Variants in INPP4B observed in about 807,000 individuals in gnomAD.
INPP4B encodes the protein inositol polyphosphate-4-phosphatase type II B, also known as inositol polyphosphate 4-phosphatase type II.
Under a neutral mutation model 122.5 loss-of-function variants are expected in INPP4B, and 55 were observed. That is an observed-to-expected ratio of 0.45 (90% CI 0.36 to 0.56). The LOEUF is 0.56. INPP4B is among the 20% of genes least tolerant of loss of function. INPP4B has a pLI of 0.00. For missense variants in INPP4B, 1,000 were observed against 1,097.7 expected (o/e 0.91, Z 1.26); for synonymous variants, 403 against 388.7 (o/e 1.04, Z -0.43).
chr4:142,105,043 T>C (rs960603626), intron 23 of INPP4B, among the ~76,000 whole-genome samples: 4 of 152,138 alleles, frequency 2.6e-5, no homozygotes, highest in African/African-American at 7.2e-5. Context: ...AAAGGAACTT[T>C]TGGGATTCCT....
intron 2 of INPP4B, among the ~76,000 whole-genome samples, chr4:142,522,532 A>C (rs1478459015): frequency 6.6e-6 from 1 of 151,900 alleles, no homozygotes; most frequent in Non-Finnish European, 1.5e-5. Flanking sequence ...TTTCTTGGTT[A>C]ATCTATCCCT....
chr4:142,444,235 T>A (rs563781518), intron 3 of INPP4B, among the ~76,000 whole-genome samples: 3 of 152,342 alleles, frequency 2.0e-5, no homozygotes, highest in African/African-American at 4.8e-5. Context: ...CTTATACATT[T>A]AAGTTCCTTG....
rs991636895 is a variant in INPP4B, at chr4:142,424,264, A to C, written c.136+4909T>G. On this transcript the variant is annotated intron_variant, in intron 5 of 25. Coordinates refer to ENST00000262992, the MANE Select transcript of INPP4B (RefSeq NM_001101669.3). ...TGTTAACTGTTTTTTTAATGATTTC[A>C]AGAGTAGTAGTTTAATTTCTCTAAT... Among the ~76,000 whole-genome samples, 7 of 152,064 alleles carry C rather than the reference A, an allele frequency of 4.6e-5. No individual in the cohort carries two copies. In the East Asian group the frequency reaches 1.4e-3, roughly 29 times the overall value.
chr4:142,838,570 CA>C (rs935573001), intron 1 of INPP4B, among the ~76,000 whole-genome samples: 144 of 151,996 alleles, frequency 9.5e-4, no homozygotes, highest in Non-Finnish European at 1.4e-3. Flanking sequence ...CAAAAAAAGT[CA>C]AAAAAGTATG....
intron 1 of INPP4B, among the ~76,000 whole-genome samples, chr4:142,758,219 T>C (rs951383293): frequency 1.3e-5 from 2 of 152,102 alleles, no homozygotes; most frequent in Non-Finnish European, 2.9e-5. Flanking sequence ...CCAAGGATAT[T>C]TGGTCTAGAA....
At chr4:142,527,468 G>A (rs571934764) in intron 2 of INPP4B, among the ~76,000 whole-genome samples, 6 of 152,148 alleles carry the variant, frequency 3.9e-5, no homozygotes, top group East Asian at 1.9e-4. Flanking sequence ...ACTGTTCTTC[G>A]ATATGTTTGA....
At chr4:142,526,030 T>G (rs185219182) in intron 2 of INPP4B, among the ~76,000 whole-genome samples, 204 of 152,218 alleles carry the variant, frequency 1.3e-3, no homozygotes, top group African/African-American at 4.6e-3. Context: ...CACGATTTCA[T>G]GTAACATTAA....
intron 2 of INPP4B, among the ~76,000 whole-genome samples, chr4:142,493,750 C>G (rs1339515620): frequency 2.0e-5 from 3 of 152,024 alleles, no homozygotes; most frequent in Non-Finnish European, 4.4e-5. Flanking sequence ...TCAGATGAGA[C>G]TTTGGACTTG....
rs2152545603 is a variant in INPP4B, at chr4:142,086,156, C to A, written c.2475G>T (p.Trp825Cys). ...SKKRKNVEIM[W>C]LAATICRKLN... ...TGAGAGTGCTTACCGTTGCAGCCAG[C>A]CACATAATTTCTACATTCTTTCTTT... is the stretch of plus-strand genomic sequence containing the variant. Residue 825 changes from tryptophan (W) to cysteine (C), a missense_variant, in exon 24 of 26, where the codon TGG becomes TGT. Physicochemically the swap from Trp to Cys is radical, Grantham distance 215. Coordinates refer to ENST00000262992, the MANE Select transcript of INPP4B (RefSeq NM_001101669.3). The A allele has an allele frequency of 6.3e-7, 1 of 1,584,896 alleles. No homozygotes were observed. Among genetic ancestry groups the A allele is most frequent in the Non-Finnish European group, 8.7e-7 (1 of 1,153,614 alleles).
At chr4:142,642,483 T>C (rs1406069556) in intron 2 of INPP4B, among the ~76,000 whole-genome samples, 5 of 152,216 alleles carry the variant, frequency 3.3e-5, no homozygotes, top group Admixed American at 3.3e-4. Context: ...GCTTTCTACA[T>C]ATGGCTAGCC....
Position 142,664,647 on chromosome 4 carries a change from AT to A in INPP4B, c.-191+61191del, listed in dbSNP as rs376552322. On this transcript the variant is annotated intron_variant, in intron 2 of 25. Coordinates refer to ENST00000262992, the MANE Select transcript of INPP4B (RefSeq NM_001101669.3). The stretch of plus-strand genomic sequence containing the variant: ...TAATTATAAAAATTAAGTTTTAAGA[AT>A]TTTTTTTAATTGAAAGGAAAGCATC... 2.8e-3 allele frequency among the ~76,000 whole-genome samples: 423 copies of A among 152,198 alleles called. 6 individuals carry two copies. The highest frequency in any genetic ancestry group is 0.018 in the East Asian group (95 of 5,184).
chr4:142,474,113 C>T (rs1819408453), intron 2 of INPP4B: 1 of 152,164 alleles, frequency 6.6e-6, no homozygotes, highest in African/African-American at 2.4e-5. Context: ...CCAGTGGTTC[C>T]ACTTCTGTCT....
At chr4:142,368,705 T>C (rs1177078388) in intron 7 of INPP4B, among the ~76,000 whole-genome samples, 1 of 132,292 alleles carries the variant, frequency 7.6e-6, no homozygotes, top group Non-Finnish European at 1.6e-5. Context: ...CCTAAATTAA[T>C]AGGAAAAAAA....
chr4:142,176,683 GA>G (rs1281722536), intron 15 of INPP4B, among the ~76,000 whole-genome samples: 2 of 151,966 alleles, frequency 1.3e-5, no homozygotes, highest in Non-Finnish European at 2.9e-5. Context: ...AATGTTTATT[GA>G]AAAAAATGCA....
chr4:142,342,777 A>T (rs1330780526), intron 7 of INPP4B, among the ~76,000 whole-genome samples: 1 of 152,140 alleles, frequency 6.6e-6, no homozygotes, highest in Non-Finnish European at 1.5e-5. Context: ...AGCAGTCTGA[A>T]CTATCTTGTT....
At chr4:142,773,880 A>G (rs1417424573) in intron 1 of INPP4B, among the ~76,000 whole-genome samples, 3 of 151,204 alleles carry the variant, frequency 2.0e-5, no homozygotes, top group Non-Finnish European at 4.4e-5. Flanking sequence ...ATCTGTTCCC[A>G]TGGATAACAG....
chr4:142,287,284 C>A (rs2150904803), intron 9 of INPP4B: 1 of 152,396 alleles, frequency 6.6e-6, no homozygotes, highest in African/African-American at 2.4e-5. Context: ...AAGCTTCCAT[C>A]CATAGCTCCC....
intron 7 of INPP4B, among the ~76,000 whole-genome samples, chr4:142,384,943 T>C (rs1417310658): frequency 1.3e-5 from 2 of 152,220 alleles, no homozygotes; most frequent in East Asian, 1.9e-4. Context: ...CATTCTTTTT[T>C]ATGGCTGCAT....
intron 12 of INPP4B, among the ~76,000 whole-genome samples, chr4:142,233,887 A>G (rs1855534652): frequency 6.6e-6 from 1 of 152,028 alleles, no homozygotes; most frequent in African/African-American, 2.4e-5. Context: ...TTCAAGTAGG[A>G]TTTTCAAGAA....
Sources: gnomAD v4.1 joint callset for allele counts (sites outside exome capture counted in the v4.1 genomes callset) on GRCh38, gnomAD v4.1.1 for gene constraint, MANE v1.5 for transcripts, NCBI Gene and HGNC (gene_info 2026-07-23, HGNC 2026-07-21) for gene names.